COG5: variants seen among roughly 807,000 people sequenced by gnomAD.
COG5 encodes the protein component of oligomeric golgi complex 5, also known as conserved oligomeric Golgi complex subunit 5.
A neutral mutation model predicts 110.4 loss-of-function variants in COG5; 86 were observed. The observed-to-expected ratio is 0.78, with a 90% CI of 0.65 to 0.93. The LOEUF (loss-of-function observed/expected upper bound fraction) is 0.93, where lower values mean the gene tolerates loss of function less well. Ranked by LOEUF, COG5 falls within the 40% of genes least tolerant of loss-of-function variation. The pLI, the probability that COG5 is intolerant of heterozygous loss-of-function variation, is 0.00. For synonymous variants in COG5, 360 were observed against 334.6 expected (o/e 1.08, Z -0.83); for missense variants, 1,077 against 987.0 (o/e 1.09, Z -1.22).
chr7:107,557,857 A>G (rs1803439406), intron 2 of COG5, 119 bp downstream of exon 2: 1 of 1,295,414 alleles, frequency 7.7e-7, no homozygotes, highest in African/African-American at 1.5e-5. Context: ...AAAATAAGTC[A>G]CACTGGTAAG....
chr7:107,357,841 T>G (rs1812766126), intron 10 of COG5, among the ~76,000 whole-genome samples: 2 of 152,176 alleles, frequency 1.3e-5, no homozygotes, highest in South Asian at 4.1e-4. Context: ...GCTAATTGTT[T>G]TAGTTTTTGT....
At position 107,338,258 on chromosome 7, in the gene COG5, T is replaced by A. The variant is rs558060155; in HGVS notation, c.1027-13737A>T. 2.6e-5 allele frequency among the ~76,000 whole-genome samples: 4 copies of A among 152,232 alleles called. No homozygotes were observed. The South Asian group carries it at 8.3e-4, about 32-fold the overall frequency. ...CTGACTTCAAAATATATTACAAAGCTTCCATAATCAAAACAGTATGGTACC... is the reference window on the plus strand; with the variant it reads ...CTGACTTCAAAATATATTACAAAGCATCCATAATCAAAACAGTATGGTACC... On this transcript the variant is annotated intron_variant, in intron 10 of 21. Coordinates refer to ENST00000297135, the MANE Select transcript of COG5 (RefSeq NM_006348.5).
intron 11 of COG5, among the ~76,000 whole-genome samples, chr7:107,314,052 A>G (rs1584664320): frequency 6.6e-6 from 1 of 152,300 alleles, no homozygotes; most frequent in Non-Finnish European, 1.5e-5. Flanking sequence ...ACAGGATGGA[A>G]TATTTTACCA....
intron 10 of COG5, among the ~76,000 whole-genome samples, chr7:107,346,976 A>G (rs925469270): frequency 6.6e-6 from 1 of 152,218 alleles, no homozygotes; most frequent in East Asian, 1.9e-4. Flanking sequence ...TAAGATTGAG[A>G]AAGTGTTCAC....
In COG5 at chr7:107,203,464, CCAACTATGAATGGGTTAGCA is replaced by C. The variant is rs2116082738; in HGVS notation, c.*32_*51del. 10 of 1,226,602 alleles carry C rather than the reference CCAACTATGAATGGGTTAGCA, an allele frequency of 8.2e-6. 1 individual carries two copies. In the South Asian group the frequency reaches 1.2e-4, roughly 15 times the overall value. The allele number at this position is 1,226,602 out of a possible 1,614,324, so 76.0% of individuals were successfully genotyped here. A position where few individuals can be genotyped will look rare whatever the true frequency, so the allele number is the denominator to read the frequency against. On this transcript the variant is annotated 3_prime_UTR_variant, in exon 22 of 22. Transcript: ENST00000297135. ...GTCTTTTGGAGTATGTGTTTAACTGCCAACTATGAATGGGTTAGCACAAAGTGGAGATGAACAAAGATTTC... is the reference window on the plus strand; with the variant it reads ...GTCTTTTGGAGTATGTGTTTAACTGCCAAAGTGGAGATGAACAAAGATTTC...
intron 10 of COG5, among the ~76,000 whole-genome samples, chr7:107,329,112 T>C (rs1810023051): frequency 6.6e-6 from 1 of 152,212 alleles, no homozygotes; most frequent in Admixed American, 6.5e-5. Flanking sequence ...CAATTCCTTA[T>C]TTTCTACATA....
At chr7:107,346,048 T>A (rs1482862081) in intron 10 of COG5, among the ~76,000 whole-genome samples, 2 of 152,196 alleles carry the variant, frequency 1.3e-5, no homozygotes. Context: ...AAAAGTAGTT[T>A]TAGTATCGGC....
intron 6 of COG5, among the ~76,000 whole-genome samples, chr7:107,476,465 A>C (rs936042597): frequency 6.6e-6 from 1 of 151,564 alleles, no homozygotes; most frequent in Admixed American, 6.6e-5. Context: ...GAAATCACTA[A>C]GGTAACAATA....
At chr7:107,330,337 A>G (rs1810132363) in intron 10 of COG5, among the ~76,000 whole-genome samples, 1 of 152,248 alleles carries the variant, frequency 6.6e-6, no homozygotes, top group Admixed American at 6.5e-5. Flanking sequence ...TATTACATAT[A>G]AATAGAACAA....
intron 6 of COG5, among the ~76,000 whole-genome samples, chr7:107,480,011 C>T (rs975504960): frequency 3.3e-5 from 5 of 152,064 alleles, no homozygotes; most frequent in African/African-American, 9.7e-5. Context: ...ACATATCGTC[C>T]TCATTCTTTG....
chr7:107,469,328 G>T (rs1286727562), intron 6 of COG5, among the ~76,000 whole-genome samples: 1 of 151,852 alleles, frequency 6.6e-6, no homozygotes, highest in Non-Finnish European at 1.5e-5. Flanking sequence ...CAAATAAAAG[G>T]GTTATGAAAG....
At chr7:107,379,184 G>A (rs940561376) in intron 7 of COG5, among the ~76,000 whole-genome samples, 6 of 152,094 alleles carry the variant, frequency 3.9e-5, no homozygotes, top group Admixed American at 6.6e-5. Context: ...CTTCATAAGC[G>A]AAGGAGAAAG....
intron 5 of COG5, 128 bp from the exon 6 acceptor site, chr7:107,527,485 C>T: frequency 1.1e-6 from 1 of 921,634 alleles, no homozygotes; most frequent in South Asian, 1.4e-5. Context: ...ACCTATGTAA[C>T]AAACCTGCAC....
At chr7:107,334,605 C>T (rs1328001824) in intron 10 of COG5, among the ~76,000 whole-genome samples, 1 of 151,684 alleles carries the variant, frequency 6.6e-6, no homozygotes, top group Non-Finnish European at 1.5e-5. Flanking sequence ...CAATGGTAAC[C>T]ACACAGGCCA....
rs553511088 is a variant in COG5, at chr7:107,553,363, T to C, written c.292+922A>G. 2.0e-5 allele frequency among the ~76,000 whole-genome samples: 3 copies of C among 152,334 alleles called. No individual in the cohort carries two copies. The East Asian group carries it at 5.8e-4, about 29-fold the overall frequency. The stretch of plus-strand genomic sequence containing the variant: ...ATCCCAGATTTCAAATAACAAACTA[T>C]TATTTCCAAAAATACTAAGTTCTTC... On this transcript the variant is annotated intron_variant, in intron 3 of 21. Transcript: ENST00000297135.
At position 107,554,292 on chromosome 7, in the gene COG5, C is replaced by T. The variant is rs746581392; in HGVS notation, c.285G>A (p.Ser95=). The T allele has an allele frequency of 2.7e-5, 43 of 1,613,706 alleles. No individual in the cohort carries two copies. Among genetic ancestry groups the T allele is most frequent in the East Asian group, 6.7e-5 (3 of 44,858 alleles). Residue 95 remains serine, a synonymous_variant, in exon 3 of 22, where the codon TCG becomes TCA. Transcript: ENST00000297135. The part of the protein sequence containing the change: ...DLLAQATGIE[S]LEGVLQMMQT... ...CAGTTATTAGAAATATACCTTCCAA[C>T]GACTCAATCCCAGTTGCTTGTGCCA...
chr7:107,483,142 G>A (rs1490073760), intron 6 of COG5, among the ~76,000 whole-genome samples: 1 of 152,058 alleles, frequency 6.6e-6, no homozygotes, highest in Non-Finnish European at 1.5e-5. Flanking sequence ...ATAATTTTAT[G>A]ACATCCTTTA....
Position 107,233,273 on chromosome 7 carries a change from AC to A in COG5, c.2092-2583del, listed in dbSNP as rs113054154. ...CCCAGTGAGATTCAGAATCAGCAGA[AC>A]CCCAGTGTCGTGGACAGGCTTAGTG... is the stretch of plus-strand genomic sequence containing the variant. On this transcript the variant is annotated intron_variant, in intron 18 of 21. Coordinates refer to ENST00000297135, the MANE Select transcript of COG5 (RefSeq NM_006348.5). Among the ~76,000 whole-genome samples the A allele has an allele frequency of 6.6e-5, 10 of 152,210 alleles. 3 individuals carry two copies. Among genetic ancestry groups the A allele is most frequent in the African/African-American group, 2.4e-4 (10 of 41,524 alleles).
At chr7:107,554,243 G>C (rs752872365) in intron 3 of COG5, 42 bp downstream of exon 3, 1 of 1,568,892 alleles carries the variant, frequency 6.4e-7, no homozygotes. Context: ...GCCAATCCCT[G>C]GTCTAGCTCT....
Sources: allele counts gnomAD v4.1 joint callset (sites outside exome capture counted in the v4.1 genomes callset), GRCh38; gene constraint gnomAD v4.1.1; transcripts MANE v1.5; gene names NCBI Gene and HGNC (gene_info 2026-07-23, HGNC 2026-07-21).